RBFOX1: variants seen among roughly 807,000 people sequenced by gnomAD.
The protein encoded by RBFOX1 is RNA binding protein fox-1 homolog 1.
RBFOX1 carries 8 observed loss-of-function variants against 57.7 expected under a neutral mutation model. That is an observed-to-expected ratio of 0.14 (90% CI 0.08 to 0.25). The LOEUF is 0.25. Ranked by LOEUF, RBFOX1 falls within the 10% of genes least tolerant of loss-of-function variation. RBFOX1 has a pLI of 1.00. For synonymous variants in RBFOX1, 326 were observed against 222.4 expected (o/e 1.47, Z -4.15); for missense variants, 611 against 548.5 (o/e 1.11, Z -1.14).
chr16:5,248,983 A>G (rs141981560), intron 1 of RBFOX1, among the ~76,000 whole-genome samples: 3,984 of 91,656 alleles, frequency 0.043, 190 homozygotes, highest in African/African-American at 0.16. Context: ...GCAAGACTCC[A>G]TCTCAAAAAA....
chr16:5,818,510 C>T (rs1001335373), intron 3 of RBFOX1, among the ~76,000 whole-genome samples: 8 of 152,188 alleles, frequency 5.3e-5, no homozygotes, highest in African/African-American at 1.4e-4. Flanking sequence ...GTGCTAGGCT[C>T]ACCTTCTGAA....
chr16:5,995,888 T>C (rs765712449), intron 4 of RBFOX1, among the ~76,000 whole-genome samples: 1 of 152,176 alleles, frequency 6.6e-6, no homozygotes, highest in Non-Finnish European at 1.5e-5. Flanking sequence ...AGAGATTTAT[T>C]TCTCACAGTT....
chr16:6,944,934 A>T lies in RBFOX1; in HGVS notation c.-15-107123A>T, dbSNP rs56160938. Among the ~76,000 whole-genome samples, 311 of 152,024 alleles carry T rather than the reference A, an allele frequency of 2.0e-3. 1 individual carries two copies. Among genetic ancestry groups the T allele is most frequent in the Non-Finnish European group, 3.6e-3 (247 of 67,972 alleles). On this transcript the variant is annotated intron_variant, in intron 3 of 15. Coordinates refer to ENST00000550418, the MANE Select transcript of RBFOX1 (RefSeq NM_018723.4). ...AGCTATTCTGTCTGTAAGGATGAAG[A>T]CAGTCTGAAAAGTGGCTGACTGCTG...
intron 4 of RBFOX1, among the ~76,000 whole-genome samples, chr16:7,395,585 C>G (rs1019377460): frequency 1.3e-5 from 2 of 152,164 alleles, no homozygotes; most frequent in Admixed American, 1.3e-4. Flanking sequence ...CAAGGCGAGA[C>G]AAAAGCTTAT....
intron 1 of RBFOX1, among the ~76,000 whole-genome samples, chr16:5,370,517 G>A (rs1424390877): frequency 6.8e-6 from 1 of 147,686 alleles, no homozygotes; most frequent in Non-Finnish European, 1.5e-5. Flanking sequence ...ATATAAGATA[G>A]CGTCTCACTT....
chr16:7,490,546 A>G lies in RBFOX1; in HGVS notation c.28-27601A>G, dbSNP rs993452660. On this transcript the variant is annotated intron_variant, in intron 4 of 15. Transcript: ENST00000550418. ...GTACCTTTACTCCCCATTTTCATCT[A>G]TCAATGGAAAAGAATTAAAATAAAT... Among the ~76,000 whole-genome samples the G allele has an allele frequency of 6.6e-5, 10 of 152,234 alleles. No individual in the cohort carries two copies. In the South Asian group the frequency reaches 8.3e-4, roughly 13 times the overall value.
intron 13 of RBFOX1, among the ~76,000 whole-genome samples, chr16:7,675,486 T>A (rs528894773): frequency 1.0e-3 from 156 of 152,242 alleles, no homozygotes; most frequent in African/African-American, 3.4e-3. Context: ...CCAGGACTGA[T>A]CCAAAGAATA....
intron 2 of RBFOX1, among the ~76,000 whole-genome samples, chr16:6,352,077 C>A (rs1368877550): frequency 2.6e-5 from 4 of 152,140 alleles, no homozygotes; most frequent in African/African-American, 9.7e-5. Flanking sequence ...CTGGAGGTAT[C>A]ACAGATGGAT....
At chr16:6,178,811 C>CAAG (rs1310510064) in intron 1 of RBFOX1, among the ~76,000 whole-genome samples, 1 of 152,106 alleles carries the variant, frequency 6.6e-6, no homozygotes, top group African/African-American at 2.4e-5. Flanking sequence ...ATCTTTTTAG[C>CAAG]AAGGGCCTGT....
At chr16:5,851,106 T>A (rs181894822) in intron 3 of RBFOX1, among the ~76,000 whole-genome samples, 1 of 152,190 alleles carries the variant, frequency 6.6e-6, no homozygotes, top group African/African-American at 2.4e-5. Context: ...TTTGGTACAC[T>A]GTGCTGTGGA....
intron 1 of RBFOX1, among the ~76,000 whole-genome samples, chr16:6,226,391 A>AAAC (rs58522422): frequency 6.7e-6 from 1 of 150,340 alleles, no homozygotes; most frequent in Non-Finnish European, 1.5e-5. Flanking sequence ...AAAAAAAAAA[A>AAAC]CAAAAAAATA....
At chr16:6,953,907 T>C (rs2081264442) in intron 3 of RBFOX1, among the ~76,000 whole-genome samples, 1 of 152,192 alleles carries the variant, frequency 6.6e-6, no homozygotes, top group Non-Finnish European at 1.5e-5. Context: ...TTTTTTTGGT[T>C]GTTGTTGCTA....
intron 3 of RBFOX1, among the ~76,000 whole-genome samples, chr16:6,733,343 C>T (rs1235251828): frequency 6.6e-6 from 1 of 152,148 alleles, no homozygotes; most frequent in Non-Finnish European, 1.5e-5. Flanking sequence ...TTCCATCCTT[C>T]CATAATCCAG....
At chr16:5,989,518 A>G (rs1365047577) in intron 4 of RBFOX1, among the ~76,000 whole-genome samples, 1 of 152,128 alleles carries the variant, frequency 6.6e-6, no homozygotes, top group Admixed American at 6.5e-5. Flanking sequence ...TACAAGAGAT[A>G]GGATTTAGGG....
chr16:5,746,666 G>C (rs2052994190), intron 3 of RBFOX1, among the ~76,000 whole-genome samples: 1 of 152,168 alleles, frequency 6.6e-6, no homozygotes, highest in African/African-American at 2.4e-5. Flanking sequence ...TCCCTTGTAA[G>C]TTGGATTCCT....
intron 2 of RBFOX1, among the ~76,000 whole-genome samples, chr16:5,547,386 A>G (rs907785434): frequency 3.9e-5 from 6 of 152,350 alleles, no homozygotes; most frequent in Middle Eastern, 3.4e-3. Flanking sequence ...GTAGAAAACA[A>G]TTTGTGGCAC....
chr16:5,686,600 T>A (rs1024734909), intron 3 of RBFOX1, among the ~76,000 whole-genome samples: 1 of 152,106 alleles, frequency 6.6e-6, no homozygotes, highest in African/African-American at 2.4e-5. Context: ...TGGTCTGGTG[T>A]TTGACTACTG....
At chr16:6,215,518 G>A (rs1027267496) in intron 1 of RBFOX1, among the ~76,000 whole-genome samples, 5 of 152,028 alleles carry the variant, frequency 3.3e-5, no homozygotes, top group Admixed American at 6.5e-5. Context: ...TTTTTTCTGA[G>A]TTTGTTTATT....
At chr16:6,949,659 A>C (rs1430955152) in intron 3 of RBFOX1, among the ~76,000 whole-genome samples, 1 of 152,064 alleles carries the variant, frequency 6.6e-6, no homozygotes, top group Non-Finnish European at 1.5e-5. Flanking sequence ...TTAAATCCCC[A>C]ACCTTATGAC....
Sources: gnomAD v4.1 joint callset for allele counts (sites outside exome capture counted in the v4.1 genomes callset) on GRCh38, gnomAD v4.1.1 for gene constraint, MANE v1.5 for transcripts, NCBI Gene and HGNC (gene_info 2026-07-23, HGNC 2026-07-21) for gene names.